The following ADSS2 variants were observed in gnomAD, a reference collection of about 807,000 sequenced individuals.
The protein encoded by ADSS2 is adenylosuccinate synthase 2.
A neutral mutation model predicts 60.0 loss-of-function variants in ADSS2; 30 were observed. That is an observed-to-expected ratio of 0.50 (90% CI 0.37 to 0.68). ADSS2 has a LOEUF of 0.68. Among genes scored for constraint, ADSS2 ranks in the 30% least tolerant of loss-of-function variants. ADSS2 has a pLI of 0.00. For missense variants in ADSS2, 373 were observed against 554.8 expected (o/e 0.67, Z 3.29); for synonymous variants, 187 against 193.1 (o/e 0.97, Z 0.26).
intron 2 of ADSS2, among the ~76,000 whole-genome samples, 192 bp downstream of exon 2, chr1:244,437,474 T>G (rs568352676): frequency 3.3e-5 from 5 of 152,184 alleles, no homozygotes; most frequent in Non-Finnish European, 7.4e-5. Context: ...CAAAAAGTAT[T>G]ACTGTTAAAA....
chr1:244,417,631 G>A lies in ADSS2; in HGVS notation c.1067C>T (p.Thr356Ile). 1 of 1,611,724 alleles carries A rather than the reference G, an allele frequency of 6.2e-7. No individual in the cohort carries two copies. Among genetic ancestry groups the A allele is most frequent in the Non-Finnish European group, 8.5e-7 (1 of 1,179,708 alleles). ...LKYAHMINGF[T>I]ALALTKLDIL... Reference sequence around the variant, plus strand: ...AATGTTTCTGAAGAATACTCACGCAGTAAATCCATTGATCATATGAGCATA... The same window carrying A: ...AATGTTTCTGAAGAATACTCACGCAATAAATCCATTGATCATATGAGCATA... Residue 356 changes from threonine to isoleucine, a missense_variant, in exon 10 of 13, where the codon ACT (threonine) becomes ATT (isoleucine). Thr to Ile is a moderately conservative substitution (Grantham distance 89). Around this residue, in one of 5 missense-constraint regions of ADSS2, gnomAD observed 130 missense variants for 169.4 expected, o/e 0.77. Transcript: ENST00000366535.
chr1:244,441,293 T>C (rs1322756152), intron 1 of ADSS2, among the ~76,000 whole-genome samples: 3 of 152,098 alleles, frequency 2.0e-5, no homozygotes, highest in East Asian at 3.9e-4. Context: ...CTCCTGACTT[T>C]GTGATCCGCC....
chr1:244,442,855 G>A (rs1464215786), intron 1 of ADSS2, among the ~76,000 whole-genome samples: 1 of 152,126 alleles, frequency 6.6e-6, no homozygotes, highest in East Asian at 1.9e-4. Context: ...GGGAGCTCAG[G>A]CAATTGTCCT....
At chr1:244,428,726 C>T (rs1664864317) in intron 4 of ADSS2, among the ~76,000 whole-genome samples, 1 of 151,450 alleles carries the variant, frequency 6.6e-6, no homozygotes, top group African/African-American at 2.4e-5. Flanking sequence ...AAAATGGATA[C>T]CAGGAATAAA....
intron 3 of ADSS2, among the ~76,000 whole-genome samples, chr1:244,435,274 G>T (rs1665068095): frequency 6.9e-6 from 1 of 145,984 alleles, no homozygotes; most frequent in African/African-American, 2.5e-5. Context: ...CTATACTAAT[G>T]ATTTTCCTCA....
intron 1 of ADSS2, among the ~76,000 whole-genome samples, chr1:244,440,018 T>G (rs553014277): frequency 6.6e-6 from 1 of 152,290 alleles, no homozygotes; most frequent in South Asian, 2.1e-4. Context: ...CCATGGCTGC[T>G]GGGGGTGGGG....
chr1:244,433,173 T>C (rs1259491515), intron 3 of ADSS2, among the ~76,000 whole-genome samples: 2 of 151,866 alleles, frequency 1.3e-5, no homozygotes, highest in Non-Finnish European at 2.9e-5. Flanking sequence ...GAGGCAGAGG[T>C]TGCAGTAAGC....
chr1:244,409,730 G>T, intron 12 of ADSS2, 92 bp from the exon 13 acceptor site: 1 of 980,920 alleles, frequency 1.0e-6, no homozygotes, highest in Non-Finnish European at 1.6e-6. Flanking sequence ...ACTTTTCTCA[G>T]TATCACCATA....
In ADSS2 at chr1:244,441,464, T is replaced by C. The variant is rs186062092; in HGVS notation, c.184-3696A>G. 1.1e-3 allele frequency among the ~76,000 whole-genome samples: 163 copies of C among 152,330 alleles called. No individual in the cohort carries two copies. In the Middle Eastern group the frequency reaches 0.014, roughly 13 times the overall value. Reference sequence around the variant, plus strand: ...GAATTTTTACTAAGTTGTTATAAAGTATTTGGTAATTTTGAGACAACAAAT... The same window carrying C: ...GAATTTTTACTAAGTTGTTATAAAGCATTTGGTAATTTTGAGACAACAAAT... On this transcript the variant is annotated intron_variant, in intron 1 of 12. Transcript: ENST00000366535.
intron 7 of ADSS2, among the ~76,000 whole-genome samples, chr1:244,422,524 A>G (rs1212454629): frequency 6.6e-6 from 1 of 152,180 alleles, no homozygotes; most frequent in Non-Finnish European, 1.5e-5. Flanking sequence ...ATATGATGCA[A>G]ATCTAGTCTC....
At chr1:244,429,051 A>G (rs1664870344) in intron 4 of ADSS2, among the ~76,000 whole-genome samples, 1 of 152,226 alleles carries the variant, frequency 6.6e-6, no homozygotes, top group Non-Finnish European at 1.5e-5. Flanking sequence ...GTCAGGATAA[A>G]AAACAGTACA....
At chr1:244,442,751 A>G (rs1001908375) in intron 1 of ADSS2, among the ~76,000 whole-genome samples, 4 of 152,190 alleles carry the variant, frequency 2.6e-5, no homozygotes, top group African/African-American at 9.6e-5. Context: ...AGTATACTGT[A>G]TTTTATAAAA....
chr1:244,437,226 A>G (rs1406478250), intron 2 of ADSS2, among the ~76,000 whole-genome samples: 1 of 152,148 alleles, frequency 6.6e-6, no homozygotes, highest in African/African-American at 2.4e-5. Context: ...TCATAAATCA[A>G]TTTAGTAGGT....
intron 10 of ADSS2, among the ~76,000 whole-genome samples, 185 bp downstream of exon 10, chr1:244,417,443 T>C (rs1160512808): frequency 6.6e-6 from 1 of 152,160 alleles, no homozygotes; most frequent in Admixed American, 6.6e-5. Flanking sequence ...TCTAGGAGGA[T>C]AACTTGGGAT....
At chr1:244,421,998 T>G (rs2147994966) in intron 7 of ADSS2, among the ~76,000 whole-genome samples, 1 of 152,290 alleles carries the variant, frequency 6.6e-6, no homozygotes, top group African/African-American at 2.4e-5. Context: ...AATAAAATAT[T>G]TATTGCATAG....
chr1:244,443,867 C>T (rs1558280851), intron 1 of ADSS2, among the ~76,000 whole-genome samples: 1 of 152,166 alleles, frequency 6.6e-6, no homozygotes, highest in Non-Finnish European at 1.5e-5. Context: ...CACGTGCTGA[C>T]ACCGCCTTCT....
At chr1:244,415,932 AAT>A in intron 11 of ADSS2, 47 bp downstream of exon 11, 1 of 1,347,412 alleles carries the variant, frequency 7.4e-7, no homozygotes, top group South Asian at 1.2e-5. Flanking sequence ...AAACTGCTCT[AAT>A]ACATTCACCT....
chr1:244,438,666 A>G (rs1191458063), intron 1 of ADSS2, among the ~76,000 whole-genome samples: 2 of 152,226 alleles, frequency 1.3e-5, no homozygotes, highest in African/African-American at 2.4e-5. Context: ...CAACAAATAA[A>G]AACTTTAACA....
At chr1:244,426,117 C>A (rs900509719) in intron 4 of ADSS2, among the ~76,000 whole-genome samples, 5 of 152,132 alleles carry the variant, frequency 3.3e-5, no homozygotes, top group African/African-American at 7.2e-5. Context: ...AATAGTCTTT[C>A]TCAGTTACTT....
Sources: allele counts gnomAD v4.1 joint callset (sites outside exome capture counted in the v4.1 genomes callset), GRCh38; gene constraint gnomAD v4.1.1; regional missense constraint gnomAD v4.1.1; transcripts MANE v1.5; gene names NCBI Gene and HGNC (gene_info 2026-07-23, HGNC 2026-07-21).